Variants in RCL1 observed in about 807,000 individuals in gnomAD.
RCL1 encodes RNA 3'-terminal phosphate cyclase-like protein.
Under a neutral mutation model 42.4 loss-of-function variants are expected in RCL1, and 24 were observed. That is an observed-to-expected ratio of 0.57 (90% confidence interval 0.41 to 0.80). The LOEUF is 0.80. Among genes scored for constraint, RCL1 ranks in the 30% least tolerant of loss-of-function variants. The pLI, the probability that RCL1 is intolerant of heterozygous loss-of-function variation, is 0.00. For synonymous variants in RCL1, 228 were observed against 177.3 expected (o/e 1.29, Z -2.27); for missense variants, 578 against 467.9 (o/e 1.24, Z -2.17).
Position 4,793,087 on chromosome 9 carries a change from C to T in RCL1, c.-5C>T. On this transcript the variant is annotated 5_prime_UTR_variant, in exon 1 of 9. Coordinates refer to ENST00000381750, the MANE Select transcript of RCL1 (RefSeq NM_005772.5). ...GCTGCTCACGTCTCTTCGGAGAGCG[C>T]GCACATGGCGACTCAGGCGCACTCC... 6.2e-7 allele frequency: 1 copy of T among 1,607,882 alleles called. No individual in the cohort carries two copies. Among genetic ancestry groups the T allele is most frequent in the Non-Finnish European group, 8.5e-7 (1 of 1,177,480 alleles).
chr9:4,841,985 A>T (rs1817345744), intron 6 of RCL1, among the ~76,000 whole-genome samples: 1 of 152,266 alleles, frequency 6.6e-6, no homozygotes, highest in Non-Finnish European at 1.5e-5. Flanking sequence ...AATTAAAGCC[A>T]CTTTCTTAAA....
intron 1 of RCL1, among the ~76,000 whole-genome samples, chr9:4,811,627 G>A (rs1431747517): frequency 3.9e-5 from 6 of 152,134 alleles, no homozygotes; most frequent in Non-Finnish European, 8.8e-5. Flanking sequence ...ACAGTATTCC[G>A]TTATGTATGT....
In RCL1 at chr9:4,839,646, G is replaced by C. The variant is rs904710764; in HGVS notation, c.585-1586G>C. Reference sequence around the variant, plus strand: ...GACTGAAGAGATGGTGATGTAACTGGGCTGTGTGTGTATTGAAAAATCCCT... The same window carrying C: ...GACTGAAGAGATGGTGATGTAACTGCGCTGTGTGTGTATTGAAAAATCCCT... On this transcript the variant is annotated intron_variant, in intron 5 of 8. Coordinates refer to ENST00000381750, the MANE Select transcript of RCL1 (RefSeq NM_005772.5). 3 of 984,910 alleles carry C rather than the reference G, an allele frequency of 3.0e-6. No homozygotes were observed. The African/African-American group carries it at 5.2e-5, about 17-fold the overall frequency. The allele number at this position is 984,910 out of a possible 1,614,324, so 61.0% of individuals were successfully genotyped here.
chr9:4,810,151 T>G (rs1816122320), intron 1 of RCL1, among the ~76,000 whole-genome samples: 2 of 152,188 alleles, frequency 1.3e-5, no homozygotes, highest in Admixed American at 1.3e-4. Context: ...TTAAAGGTAT[T>G]TTTTCTTTCA....
At chr9:4,837,741 C>G (rs753115141) in intron 5 of RCL1, among the ~76,000 whole-genome samples, 3 of 152,174 alleles carry the variant, frequency 2.0e-5, no homozygotes, top group Non-Finnish European at 4.4e-5. Context: ...TTGGGTGTAA[C>G]TATGTTCCTC....
Position 4,797,001 on chromosome 9 carries a change from C to T in RCL1, c.136+3774C>T, listed in dbSNP as rs1294776939. 3.9e-5 allele frequency among the ~76,000 whole-genome samples: 6 copies of T among 152,216 alleles called. No individual in the cohort carries two copies. The East Asian group carries it at 1.2e-3, about 29-fold the overall frequency. ...AAAGTTCTTTATTTTCTTTATTTTACTGAGGTAAAATCCTTAATTTGTCAT... is the reference window on the plus strand; with the variant it reads ...AAAGTTCTTTATTTTCTTTATTTTATTGAGGTAAAATCCTTAATTTGTCAT... On this transcript the variant is annotated intron_variant, in intron 1 of 8. Transcript: ENST00000381750.
At chr9:4,851,354 T>C (rs899763341) in intron 8 of RCL1, among the ~76,000 whole-genome samples, 2 of 152,086 alleles carry the variant, frequency 1.3e-5, no homozygotes, top group Non-Finnish European at 2.9e-5. Context: ...TCTGCCAGGG[T>C]GGGAAAGGGA....
chr9:4,825,721 A>G (rs1324056649), intron 2 of RCL1, among the ~76,000 whole-genome samples: 4 of 152,166 alleles, frequency 2.6e-5, no homozygotes, highest in Non-Finnish European at 5.9e-5. Context: ...AGTTTTTTAC[A>G]TTGATATGTA....
Position 4,860,176 on chromosome 9 carries a change from T to A in RCL1, c.1023T>A (p.Ile341=). ...LKSFFQIMFK[I]ETKPCGEELK... ...GCTTTTTCCAGATTATGTTTAAAAT[T>A]GAAACCAAGCCATGTGGTGAAGAAC... is the stretch of plus-strand genomic sequence containing the variant. Residue 341 remains isoleucine, a synonymous_variant, in exon 9 of 9, where the codon ATT becomes ATA. Coordinates refer to ENST00000381750, the MANE Select transcript of RCL1 (RefSeq NM_005772.5). The A allele has an allele frequency of 6.2e-7, 1 of 1,610,626 alleles. No homozygotes were observed. The highest frequency in any genetic ancestry group is 1.3e-5 in the African/African-American group (1 of 74,954).
Position 4,839,957 on chromosome 9 carries a change from T to C in RCL1, c.585-1275T>C, listed in dbSNP as rs1587723341. The C allele has an allele frequency of 6.2e-6, 6 of 963,278 alleles. No individual in the cohort carries two copies. The South Asian group carries it at 1.9e-4, about 31-fold the overall frequency. 59.7% of individuals were successfully genotyped at this position (963,278 alleles called of 1,614,324 possible). Reference sequence around the variant, plus strand: ...GGAGAATGGGGCAAAGCAGCTCAGGTTGAGGAATTTGGTCAGTTTGGATGG... The same window carrying C: ...GGAGAATGGGGCAAAGCAGCTCAGGCTGAGGAATTTGGTCAGTTTGGATGG... On this transcript the variant is annotated intron_variant, in intron 5 of 8. Transcript: ENST00000381750.
rs534648356 is a variant in RCL1 at position 4,837,126 on chromosome 9, A to G, written c.584+2861A>G. On this transcript the variant is annotated intron_variant, in intron 5 of 8. Transcript: ENST00000381750. ...GAGCTGGAATAAGGTTAATTAGGTTACAAAGAAATGGAAATGCAATGTAAC... is the reference window on the plus strand; with the variant it reads ...GAGCTGGAATAAGGTTAATTAGGTTGCAAAGAAATGGAAATGCAATGTAAC... 8.3e-4 allele frequency among the ~76,000 whole-genome samples: 126 copies of G among 152,336 alleles called. 3 individuals are homozygous for G. The South Asian group carries it at 0.025, about 30-fold the overall frequency.
At chr9:4,834,959 A>G (rs968106844) in intron 5 of RCL1, among the ~76,000 whole-genome samples, 1 of 152,216 alleles carries the variant, frequency 6.6e-6, no homozygotes, top group African/African-American at 2.4e-5. Flanking sequence ...AAGTACAGGC[A>G]TTTAATTTTT....
intron 8 of RCL1, among the ~76,000 whole-genome samples, chr9:4,850,540 C>G (rs1163959273): frequency 8.9e-6 from 1 of 111,884 alleles, no homozygotes; most frequent in Non-Finnish European, 1.7e-5. Flanking sequence ...TTTTTTAGAA[C>G]AGGAAAATGG....
chr9:4,819,414 T>C (rs548092407), intron 1 of RCL1, among the ~76,000 whole-genome samples: 7 of 152,326 alleles, frequency 4.6e-5, no homozygotes, highest in African/African-American at 1.2e-4. Flanking sequence ...GTTGTTTTTT[T>C]CCCCAGGCTT....
rs1414903534 is a variant in RCL1, at chr9:4,821,258, TAAAAG to T, written c.137-2288_137-2284del. On this transcript the variant is annotated intron_variant, in intron 1 of 8. Transcript: ENST00000381750. ...GGCAACATAGTGAGATCCTATTTCTTAAAAGAGAGAGAGAGAGCATGGACTTTGGA... is the reference window on the plus strand; with the variant it reads ...GGCAACATAGTGAGATCCTATTTCTTAGAGAGAGAGAGCATGGACTTTGGA... Among the ~76,000 whole-genome samples, 4 of 152,054 alleles carry T rather than the reference TAAAAG, an allele frequency of 2.6e-5. No homozygotes were observed. The South Asian group carries it at 6.2e-4, about 24-fold the overall frequency.
chr9:4,813,946 C>G (rs1816275934), intron 1 of RCL1, among the ~76,000 whole-genome samples: 1 of 152,044 alleles, frequency 6.6e-6, no homozygotes, highest in African/African-American at 2.4e-5. Context: ...GGACAGAAAA[C>G]CAAACACTGC....
At chr9:4,855,660 T>C (rs974196400) in intron 8 of RCL1, among the ~76,000 whole-genome samples, 1 of 152,052 alleles carries the variant, frequency 6.6e-6, no homozygotes, top group African/African-American at 2.4e-5. Flanking sequence ...GTTGTGAGCA[T>C]TTTTGCTCTT....
At chr9:4,843,395 G>T (rs953251658) in intron 6 of RCL1, among the ~76,000 whole-genome samples, 4 of 151,130 alleles carry the variant, frequency 2.6e-5, no homozygotes, top group African/African-American at 9.7e-5. Flanking sequence ...TTTCTTAATT[G>T]GGTCCTTTAC....
At chr9:4,828,095 A>G (rs1185391997) in intron 3 of RCL1, among the ~76,000 whole-genome samples, 1 of 148,544 alleles carries the variant, frequency 6.7e-6, no homozygotes. Flanking sequence ...CTGAGGCAGG[A>G]GAATGGCGTG....
Sources: gnomAD v4.1 joint callset for allele counts (sites outside exome capture counted in the v4.1 genomes callset) on GRCh38, gnomAD v4.1.1 for gene constraint, MANE v1.5 for transcripts, NCBI Gene and HGNC (gene_info 2026-07-23, HGNC 2026-07-21) for gene names.